The following EDEM3 variants were observed in gnomAD, a reference collection of about 807,000 sequenced individuals.
EDEM3 encodes the protein ER degradation-enhancing alpha-mannosidase-like protein 3.
In EDEM3, 60 loss-of-function variants were observed where a neutral mutation model predicts 110.2. That is an observed-to-expected ratio of 0.54 (90% CI 0.44 to 0.67). EDEM3 has a LOEUF of 0.67. EDEM3 is among the 30% of genes least tolerant of loss of function. The pLI is 0.00. For missense variants in EDEM3, 996 were observed against 1,121.0 expected (o/e 0.89, Z 1.59); for synonymous variants, 352 against 382.9 (o/e 0.92, Z 0.94).
At chr1:184,715,560 T>C (rs1232672311) in intron 13 of EDEM3, among the ~76,000 whole-genome samples, 5 of 152,170 alleles carry the variant, frequency 3.3e-5, no homozygotes, top group African/African-American at 1.2e-4. Context: ...AACATCATTG[T>C]CAAGAGCCAA....
chr1:184,707,960 G>A (rs1394490544), intron 17 of EDEM3, among the ~76,000 whole-genome samples, 193 bp downstream of exon 17: 1 of 152,140 alleles, frequency 6.6e-6, no homozygotes, highest in Non-Finnish European at 1.5e-5. Context: ...TTAAAATTCT[G>A]TAAGCATATT....
At chr1:184,722,732 T>C (rs1407267281) in intron 8 of EDEM3, among the ~76,000 whole-genome samples, 1 of 151,674 alleles carries the variant, frequency 6.6e-6, no homozygotes, top group African/African-American at 2.4e-5. Flanking sequence ...TTTTTATTTA[T>C]TTAAATATAG....
chr1:184,696,126 G>A (rs943620244), intron 19 of EDEM3, among the ~76,000 whole-genome samples: 5 of 151,554 alleles, frequency 3.3e-5, no homozygotes, highest in East Asian at 1.9e-4. Context: ...ATCAAATAAC[G>A]AGAAAAAAAA....
chr1:184,722,896 T>C (rs1423573671), intron 8 of EDEM3, among the ~76,000 whole-genome samples: 2 of 151,966 alleles, frequency 1.3e-5, no homozygotes, highest in African/African-American at 4.8e-5. Flanking sequence ...CAGTTCTTTG[T>C]ACAATTCAAT....
chr1:184,705,932 T>C (rs1649898947), intron 18 of EDEM3, among the ~76,000 whole-genome samples: 1 of 152,206 alleles, frequency 6.6e-6, no homozygotes, highest in Non-Finnish European at 1.5e-5. Flanking sequence ...ATAGGTAAGA[T>C]GATTTAAAGG....
At chr1:184,702,063 A>C (rs1649657953) in intron 19 of EDEM3, among the ~76,000 whole-genome samples, 1 of 152,152 alleles carries the variant, frequency 6.6e-6, no homozygotes, top group Non-Finnish European at 1.5e-5. Flanking sequence ...TCTCCAGCAG[A>C]CAGGAAAGAC....
chr1:184,693,952 C>A lies in EDEM3; in HGVS notation c.*111G>T. ...CGCCAGTCAGAACGTGGTTGTTCATCACCATACTTAAAGCCTCCCATTAGA... is the reference window on the plus strand; with the variant it reads ...CGCCAGTCAGAACGTGGTTGTTCATAACCATACTTAAAGCCTCCCATTAGA... On this transcript the variant is annotated 3_prime_UTR_variant, in exon 20 of 20. Transcript: ENST00000318130. 1 of 1,148,770 alleles carries A rather than the reference C, an allele frequency of 8.7e-7. No individual in the cohort carries two copies. Among genetic ancestry groups the A allele is most frequent in the East Asian group, 2.4e-5 (1 of 41,854 alleles). 71.2% of individuals were successfully genotyped at this position (1,148,770 alleles called of 1,614,324 possible).
At chr1:184,742,387 A>AT (rs1214139558) in intron 2 of EDEM3, among the ~76,000 whole-genome samples, 2 of 152,112 alleles carry the variant, frequency 1.3e-5, no homozygotes, top group Non-Finnish European at 2.9e-5. Flanking sequence ...ATATTTCAGC[A>AT]TAAATTCCTA....
chr1:184,691,082 A>G lies in EDEM3; in HGVS notation c.*2981T>C, dbSNP rs542527956. ...GTGTACAATTTTTCTTTTTACTAAT[A>G]CTGTAAAGAAAAAGGGAGACGTATA... On this transcript the variant is annotated 3_prime_UTR_variant, in exon 20 of 20. Coordinates refer to ENST00000318130, the MANE Select transcript of EDEM3 (RefSeq NM_025191.4). The G allele has an allele frequency of 2.6e-4, 39 of 152,686 alleles. No individual in the cohort carries two copies. The highest frequency in any genetic ancestry group is 7.7e-4 in the African/African-American group (32 of 41,572). The allele number at this position is 152,686 out of a possible 1,614,324, so 9.5% of individuals were successfully genotyped here.
chr1:184,754,790 T>C lies in EDEM3; in HGVS notation c.-144A>G, dbSNP rs942179203. The C allele has an allele frequency of 3.5e-5, 46 of 1,315,450 alleles. No homozygotes were observed. Among genetic ancestry groups the C allele is most frequent in the Admixed American group, 7.0e-5 (2 of 28,666 alleles). 81.5% of individuals were successfully genotyped at this position (1,315,450 alleles called of 1,614,324 possible). A position where few individuals can be genotyped will look rare whatever the true frequency, so the allele number is the denominator to read the frequency against. ...GGACGGCCGCCGGCGCCAAACTGTT[T>C]CCCGAAGCCACCAAGCCGGTCCCCA... is the stretch of plus-strand genomic sequence containing the variant. On this transcript the variant is annotated 5_prime_UTR_variant, in exon 1 of 20. Coordinates refer to ENST00000318130, the MANE Select transcript of EDEM3 (RefSeq NM_025191.4).
At chr1:184,708,863 T>C (rs1650074209) in intron 16 of EDEM3, among the ~76,000 whole-genome samples, 1 of 152,100 alleles carries the variant, frequency 6.6e-6, no homozygotes, top group Non-Finnish European at 1.5e-5. Context: ...ATTTCTCAAG[T>C]GGGAAAGTGG....
chr1:184,722,031 A>G (rs993998757), intron 8 of EDEM3, among the ~76,000 whole-genome samples: 7 of 152,020 alleles, frequency 4.6e-5, no homozygotes, highest in African/African-American at 1.7e-4. Flanking sequence ...TTTTCCTCTT[A>G]GGTTTATAAT....
chr1:184,736,082 C>A (rs1651805873), intron 4 of EDEM3, among the ~76,000 whole-genome samples: 1 of 152,150 alleles, frequency 6.6e-6, no homozygotes, highest in African/African-American at 2.4e-5. Flanking sequence ...AAAGATCTAA[C>A]AATCGTGATT....
intron 2 of EDEM3, among the ~76,000 whole-genome samples, chr1:184,745,156 G>C (rs547598310): frequency 1.6e-4 from 24 of 152,150 alleles, no homozygotes; most frequent in African/African-American, 5.8e-4. Context: ...TGAACGATCT[G>C]GTTCTACTGA....
chr1:184,697,630 G>T (rs1390742981), intron 19 of EDEM3, among the ~76,000 whole-genome samples: 1 of 151,666 alleles, frequency 6.6e-6, no homozygotes, highest in African/African-American at 2.4e-5. Context: ...TTCATAAATG[G>T]TATTTAGTAA....
chr1:184,748,423 TG>T (rs1007692825), intron 2 of EDEM3, among the ~76,000 whole-genome samples: 4 of 150,234 alleles, frequency 2.7e-5, no homozygotes, highest in Admixed American at 6.7e-5. Context: ...CTCCACAGCC[TG>T]GGCGACAGAG....
At chr1:184,718,763 T>C (rs1650695628) in intron 11 of EDEM3, among the ~76,000 whole-genome samples, 1 of 152,132 alleles carries the variant, frequency 6.6e-6, no homozygotes, top group African/African-American at 2.4e-5. Context: ...GTATATCTAA[T>C]ATATACTGTT....
chr1:184,715,162 T>C (rs1423049188), intron 13 of EDEM3, among the ~76,000 whole-genome samples: 1 of 152,150 alleles, frequency 6.6e-6, no homozygotes, highest in Non-Finnish European at 1.5e-5. Context: ...ATCTTGAGTA[T>C]GGTTAATTCT....
chr1:184,707,591 A>G (rs1465120109), intron 17 of EDEM3, among the ~76,000 whole-genome samples: 6 of 152,224 alleles, frequency 3.9e-5, no homozygotes, highest in Non-Finnish European at 4.4e-5. Flanking sequence ...GATTGTCACG[A>G]TACTTGGGCT....
Sources: allele counts gnomAD v4.1 joint callset (sites outside exome capture counted in the v4.1 genomes callset), GRCh38; gene constraint gnomAD v4.1.1; transcripts MANE v1.5; gene names NCBI Gene and HGNC (gene_info 2026-07-23, HGNC 2026-07-21).